RBMS3: variants seen among roughly 807,000 people sequenced by gnomAD.
RBMS3 encodes RNA-binding motif, single-stranded-interacting protein 3.
Under a neutral mutation model 66.8 loss-of-function variants are expected in RBMS3, and 27 were observed. The observed-to-expected ratio is 0.40, with a 90% CI of 0.30 to 0.56. RBMS3 has a LOEUF of 0.56. Among genes scored for constraint, RBMS3 ranks in the 20% least tolerant of loss-of-function variants. The pLI, the probability that RBMS3 is intolerant of heterozygous loss-of-function variation, is 0.40. For synonymous variants in RBMS3, 188 were observed against 183.0 expected (o/e 1.03, Z -0.22); for missense variants, 513 against 549.5 (o/e 0.93, Z 0.66).
At chr3:29,305,590 A>G (rs949989411) in intron 1 of RBMS3, among the ~76,000 whole-genome samples, 8 of 151,974 alleles carry the variant, frequency 5.3e-5, no homozygotes, top group Admixed American at 3.9e-4. Context: ...AGATACGTTG[A>G]CCAGCCTCAC....
At chr3:29,339,039 A>G (rs1403187631) in intron 1 of RBMS3, among the ~76,000 whole-genome samples, 1 of 152,140 alleles carries the variant, frequency 6.6e-6, no homozygotes. Context: ...CAGCCACTGT[A>G]AGCCAGGAGA....
chr3:29,754,678 C>T (rs1010550264), intron 5 of RBMS3, among the ~76,000 whole-genome samples: 3 of 152,152 alleles, frequency 2.0e-5, no homozygotes, highest in Admixed American at 1.3e-4. Context: ...TGAAGATGGC[C>T]ACCCAGGAGC....
chr3:29,857,783 G>A (rs966822140), intron 6 of RBMS3, among the ~76,000 whole-genome samples: 12 of 152,058 alleles, frequency 7.9e-5, no homozygotes, highest in South Asian at 4.1e-4. Flanking sequence ...GATCGGGCGC[G>A]TTCAGGGTGG....
At chr3:29,381,406 T>C (rs777682205) in intron 1 of RBMS3, among the ~76,000 whole-genome samples, 1 of 152,182 alleles carries the variant, frequency 6.6e-6, no homozygotes, top group Non-Finnish European at 1.5e-5. Flanking sequence ...GGTAATAATG[T>C]ACTCTTCTAG....
At chr3:29,373,027 T>C (rs918350195) in intron 1 of RBMS3, among the ~76,000 whole-genome samples, 4 of 152,186 alleles carry the variant, frequency 2.6e-5, no homozygotes, top group African/African-American at 9.6e-5. Flanking sequence ...CAGGAAAAAT[T>C]CTAAAACTGG....
chr3:29,402,429 A>G (rs569477491), intron 1 of RBMS3, among the ~76,000 whole-genome samples: 1 of 152,170 alleles, frequency 6.6e-6, no homozygotes, highest in East Asian at 1.9e-4. Context: ...TGTGCAATAA[A>G]CATTTCTTGA....
intron 6 of RBMS3, among the ~76,000 whole-genome samples, chr3:29,782,524 TG>T (rs1344174326): frequency 6.6e-6 from 1 of 152,202 alleles, no homozygotes; most frequent in Non-Finnish European, 1.5e-5. Flanking sequence ...CAAAAGAATC[TG>T]AACAACAGCC....
In RBMS3 at chr3:29,728,172, C is replaced by T. The variant is rs115458117; in HGVS notation, c.400-11548C>T. On this transcript the variant is annotated intron_variant, in intron 4 of 14. Transcript: ENST00000383767. ...GTTGAACCATGAGAAAACATGGACA[C>T]GGGGAGCGGAACATCACACACTGGG... Among the ~76,000 whole-genome samples, 1,282 of 141,124 alleles carry T rather than the reference C, an allele frequency of 9.1e-3. 22 individuals are homozygous for T. Among genetic ancestry groups the T allele is most frequent in the African/African-American group, 0.031 (1,202 of 38,230 alleles). The allele number at this position is 141,124 out of a possible 152,430, so 92.6% of individuals were successfully genotyped here.
intron 4 of RBMS3, among the ~76,000 whole-genome samples, chr3:29,644,003 T>C (rs2149201518): frequency 6.6e-6 from 1 of 152,330 alleles, no homozygotes; most frequent in African/African-American, 2.4e-5. Flanking sequence ...CACTCCAAAA[T>C]TGAGGTTTCA....
intron 4 of RBMS3, among the ~76,000 whole-genome samples, chr3:29,647,595 T>C (rs1400607089): frequency 7.3e-5 from 10 of 136,232 alleles, no homozygotes; most frequent in Non-Finnish European, 1.1e-4. Context: ...CTCCATAGTA[T>C]CTTAAGGCTT....
chr3:29,996,625 T>C (rs1157109194), intron 14 of RBMS3, among the ~76,000 whole-genome samples: 51 of 150,660 alleles, frequency 3.4e-4, no homozygotes, highest in African/African-American at 1.1e-3. Context: ...CACTCAAAAC[T>C]GCTCAACTAC....
In RBMS3 at chr3:29,757,801, A is replaced by G. The variant is rs1480722619; in HGVS notation, c.558-5109A>G. Among the ~76,000 whole-genome samples, 3 of 152,190 alleles carry G rather than the reference A, an allele frequency of 2.0e-5. 1 individual carries two copies. The highest frequency in any genetic ancestry group is 4.4e-5 in the Non-Finnish European group (3 of 68,024). On this transcript the variant is annotated intron_variant, in intron 5 of 14. Coordinates refer to ENST00000383767, the MANE Select transcript of RBMS3 (RefSeq NM_001003793.3). ...TTAAATTACCATGGCACATTTGTCA[A>G]AATTAAGAAACTGACATTGGTATAT...
intron 6 of RBMS3, among the ~76,000 whole-genome samples, chr3:29,857,030 A>G (rs1273525680): frequency 6.6e-6 from 1 of 152,098 alleles, no homozygotes; most frequent in Non-Finnish European, 1.5e-5. Flanking sequence ...TACACCTGTA[A>G]ATCTTTTACC....
At chr3:29,654,167 AG>A (rs1235690913) in intron 4 of RBMS3, among the ~76,000 whole-genome samples, 1 of 152,204 alleles carries the variant, frequency 6.6e-6, no homozygotes, top group African/African-American at 2.4e-5. Context: ...ATGAAAAGAT[AG>A]GGAAAATTGG....
chr3:29,615,819 A>G (rs1393443556), intron 4 of RBMS3, among the ~76,000 whole-genome samples: 1 of 152,216 alleles, frequency 6.6e-6, no homozygotes, highest in Admixed American at 6.5e-5. Flanking sequence ...ATTTTCTTGT[A>G]TCACTCATGT....
At chr3:29,848,222 C>A (rs149154806) in intron 6 of RBMS3, among the ~76,000 whole-genome samples, 1 of 152,152 alleles carries the variant, frequency 6.6e-6, no homozygotes, top group African/African-American at 2.4e-5. Context: ...AGTCAGCCAG[C>A]GCACCTGGAC....
At chr3:29,539,428 C>T (rs1390927160) in intron 3 of RBMS3, among the ~76,000 whole-genome samples, 1 of 152,148 alleles carries the variant, frequency 6.6e-6, no homozygotes, top group Non-Finnish European at 1.5e-5. Context: ...GTAGCCTCAG[C>T]GTCTTGTGCA....
At chr3:29,603,655 A>G (rs1365738622) in intron 4 of RBMS3, among the ~76,000 whole-genome samples, 1 of 152,002 alleles carries the variant, frequency 6.6e-6, no homozygotes, top group African/African-American at 2.4e-5. Flanking sequence ...CATTCAGCAT[A>G]AAGCATATGC....
chr3:29,674,036 A>G (rs1355591932), intron 4 of RBMS3, among the ~76,000 whole-genome samples: 1 of 152,232 alleles, frequency 6.6e-6, no homozygotes, highest in Admixed American at 6.5e-5. Context: ...CCAGCAGCAC[A>G]TCAGAAAGCT....
Sources: gnomAD v4.1 joint callset for allele counts (sites outside exome capture counted in the v4.1 genomes callset) on GRCh38, gnomAD v4.1.1 for gene constraint, MANE v1.5 for transcripts, NCBI Gene and HGNC (gene_info 2026-07-23, HGNC 2026-07-21) for gene names.